ZRANB1: variants seen among roughly 807,000 people sequenced by gnomAD.
The protein encoded by ZRANB1 is zinc finger RANBP2-type containing 1.
Under a neutral mutation model 80.5 loss-of-function variants are expected in ZRANB1, and 16 were observed. That is an observed-to-expected ratio of 0.20 (90% CI 0.13 to 0.30). ZRANB1 has a LOEUF of 0.30. Among genes scored for constraint, ZRANB1 ranks in the 10% least tolerant of loss-of-function variants. ZRANB1 has a pLI of 1.00. For missense variants in ZRANB1, 576 were observed against 862.6 expected (o/e 0.67, Z 4.16); for synonymous variants, 291 against 293.1 (o/e 0.99, Z 0.07).
chr10:124,926,351 T>G, the ZRANB1 span, among the ~76,000 whole-genome samples: 3 of 152,254 alleles, frequency 2.0e-5, no homozygotes, highest in Non-Finnish European at 4.4e-5. Flanking sequence ...ACTTTTGTAG[T>G]AACACTTAAA....
At position 124,947,595 on chromosome 10, in the gene ZRANB1, G is replaced by A. The variant is rs570202624; in HGVS notation, c.814+4288G>A. On this transcript the variant is annotated intron_variant, in intron 1 of 8. Transcript: ENST00000359653. ...GCCTATTCAGCATCTTTCCTGGAGT[G>A]TTTAAAAACTCAAGCTCATTTCAAG... is the stretch of plus-strand genomic sequence containing the variant. 7.9e-5 allele frequency among the ~76,000 whole-genome samples: 12 copies of A among 152,286 alleles called. No homozygotes were observed. The East Asian group carries it at 2.1e-3, about 27-fold the overall frequency.
At chr10:124,933,794 C>T in the ZRANB1 span, among the ~76,000 whole-genome samples, 1 of 152,168 alleles carries the variant, frequency 6.6e-6, no homozygotes, top group Non-Finnish European at 1.5e-5. Context: ...TGCTGAAGCT[C>T]AAGACATACC....
chr10:124,942,819 C>T lies in ZRANB1; in HGVS notation c.326C>T (p.Ser109Phe), dbSNP rs1192906865. The T allele has an allele frequency of 6.2e-7, 1 of 1,614,208 alleles. No individual in the cohort carries two copies. Among genetic ancestry groups the T allele is most frequent in the African/African-American group, 1.3e-5 (1 of 75,044 alleles). The change falls in exon 1 of 9, where the codon TCC becomes TTC. Residue 109 changes from serine to phenylalanine, a missense_variant. By Grantham distance (155) the Ser-to-Phe change is radical. Around this residue, in one of 3 missense-constraint regions of ZRANB1, gnomAD observed 411 missense variants for 583.1 expected, o/e 0.70. Coordinates refer to ENST00000359653, the MANE Select transcript of ZRANB1 (RefSeq NM_017580.3). ...GCAATCAGATGTACCCAGTGCTTAT[C>T]CCAACGTAGGACCAGGAGTCCTACA... ...PRAIRCTQCL[S>F]QRRTRSPTES...
At chr10:124,956,321 C>T (rs965707945) in intron 1 of ZRANB1, among the ~76,000 whole-genome samples, 3 of 151,964 alleles carry the variant, frequency 2.0e-5, no homozygotes, top group Non-Finnish European at 2.9e-5. Flanking sequence ...TAAAAAGTTG[C>T]GTTAAACTAG....
At chr10:124,921,878 G>A in the ZRANB1 span, among the ~76,000 whole-genome samples, 1 of 151,898 alleles carries the variant, frequency 6.6e-6, no homozygotes, top group African/African-American at 2.4e-5. Context: ...GTTTTTGACA[G>A]GAGCCATAAG....
At chr10:124,917,732 G>A in the ZRANB1 span, among the ~76,000 whole-genome samples, 300 of 152,252 alleles carry the variant, frequency 2.0e-3, 2 homozygotes, top group Admixed American at 0.018. Flanking sequence ...CACCTCCTGC[G>A]GTGGCCTCCA....
At chr10:124,929,770 A>G in the ZRANB1 span, among the ~76,000 whole-genome samples, 1 of 150,832 alleles carries the variant, frequency 6.6e-6, no homozygotes, top group Non-Finnish European at 1.5e-5. Flanking sequence ...ACATAGTGAA[A>G]CCCTGTCTCT....
chr10:124,975,038 A>G (rs973417048), intron 5 of ZRANB1, among the ~76,000 whole-genome samples: 4 of 152,138 alleles, frequency 2.6e-5, no homozygotes, highest in Non-Finnish European at 5.9e-5. Context: ...ATCTCAAGCG[A>G]TCCGCCTGCC....
chr10:124,955,029 C>T lies in ZRANB1; in HGVS notation c.815-11565C>T, dbSNP rs549618965. ...CCGTAGTCCCAGCTACTCTGGAGGC[C>T]GAGGCAGGAGAATGGCGTGAACCCG... On this transcript the variant is annotated intron_variant, in intron 1 of 8. Coordinates refer to ENST00000359653, the MANE Select transcript of ZRANB1 (RefSeq NM_017580.3). Among the ~76,000 whole-genome samples the T allele has an allele frequency of 6.6e-5, 10 of 150,476 alleles. No individual in the cohort carries two copies. In the South Asian group the frequency reaches 1.5e-3, roughly 22 times the overall value.
At chr10:124,984,020 G>T (rs1951969392) in intron 8 of ZRANB1, among the ~76,000 whole-genome samples, 2 of 152,102 alleles carry the variant, frequency 1.3e-5, no homozygotes, top group Admixed American at 6.5e-5. Context: ...TTTAAGAGGG[G>T]AAGCAACAGG....
At chr10:124,957,960 C>T (rs1951700527) in intron 1 of ZRANB1, among the ~76,000 whole-genome samples, 1 of 152,092 alleles carries the variant, frequency 6.6e-6, no homozygotes. Context: ...GAACTCCTGG[C>T]CTCAAGTGAT....
the ZRANB1 span, chr10:124,917,297 C>G: frequency 6.6e-6 from 1 of 151,712 alleles, no homozygotes; most frequent in African/African-American, 2.4e-5. Context: ...GGGGGCGCCC[C>G]ACCGCGGCCT....
At chr10:124,952,614 CT>C (rs548261343) in intron 1 of ZRANB1, among the ~76,000 whole-genome samples, 45 of 147,920 alleles carry the variant, frequency 3.0e-4, no homozygotes, top group African/African-American at 5.9e-4. Flanking sequence ...CAAATAATAT[CT>C]TTTTTTTTTT....
At position 124,984,974 on chromosome 10, in the gene ZRANB1, GGAT is replaced by G; in HGVS notation, c.2115_2117del (p.Asp705del). On this transcript the variant is annotated inframe_deletion, in exon 9 of 9. Transcript: ENST00000359653. ...CCCTGTCTGATGGAGAGGAAGATGA[GGAT>G]GATGAAGATGAATGAAAAAAAAAAT... is the stretch of plus-strand genomic sequence containing the variant. The G allele has an allele frequency of 6.2e-7, 1 of 1,612,018 alleles. No homozygotes were observed. The highest frequency in any genetic ancestry group is 8.5e-7 in the Non-Finnish European group (1 of 1,179,034).
chr10:124,974,061 A>G (rs557463334), intron 4 of ZRANB1, 139 bp from the exon 5 acceptor site: 287 of 741,338 alleles, frequency 3.9e-4, no homozygotes, highest in Non-Finnish European at 5.2e-4. Flanking sequence ...TTATATTTCA[A>G]TTGGTCAATT....
intron 5 of ZRANB1, among the ~76,000 whole-genome samples, chr10:124,975,303 A>G (rs1338342147): frequency 1.3e-5 from 2 of 152,224 alleles, no homozygotes; most frequent in African/African-American, 4.8e-5. Context: ...CACCTGCTCC[A>G]TGTCTCCATA....
In ZRANB1 at chr10:124,956,963, A is replaced by G. The variant is rs559513602; in HGVS notation, c.815-9631A>G. Among the ~76,000 whole-genome samples the G allele has an allele frequency of 2.4e-4, 37 of 152,264 alleles. 1 individual carries two copies. The highest frequency in any genetic ancestry group is 2.6e-4 in the Non-Finnish European group (18 of 68,022). On this transcript the variant is annotated intron_variant, in intron 1 of 8. Transcript: ENST00000359653. ...GAAGACATCATGACACTTTACCCCT[A>G]AATATTTCAGCATGTGTTTCCTAAG...
intron 3 of ZRANB1, 134 bp downstream of exon 3, chr10:124,972,252 C>T (rs1951833360): frequency 5.2e-6 from 4 of 773,872 alleles, no homozygotes; most frequent in Non-Finnish European, 7.9e-6. Flanking sequence ...ACTTGACTGT[C>T]TTATATATGC....
chr10:124,983,818 G>C lies in ZRANB1; in HGVS notation c.1908+130G>C, dbSNP rs1052160161. ...GAATGTGATGGTAGTAATTGCTGAAGGTACTAGCTATACTTTGAAATTTAC... is the reference window on the plus strand; with the variant it reads ...GAATGTGATGGTAGTAATTGCTGAACGTACTAGCTATACTTTGAAATTTAC... On this transcript the variant is annotated intron_variant, in intron 8 of 8. Coordinates refer to ENST00000359653, the MANE Select transcript of ZRANB1 (RefSeq NM_017580.3). The surrounding 1 kb of genome is among the most constrained non-coding windows in gnomAD (Gnocchi z 6.2). The C allele has an allele frequency of 1.0e-5, 7 of 685,750 alleles. No individual in the cohort carries two copies. In the African/African-American group the frequency reaches 1.3e-4, roughly 12 times the overall value. 42.5% of individuals were successfully genotyped at this position (685,750 alleles called of 1,614,324 possible). A position where few individuals can be genotyped will look rare whatever the true frequency, so the allele number is the denominator to read the frequency against.
Sources: gnomAD v4.1 joint callset for allele counts (sites outside exome capture counted in the v4.1 genomes callset) on GRCh38, gnomAD v4.1.1 for gene constraint, gnomAD v4.1.1 regional missense constraint, Gnocchi (gnomAD v3.1) non-coding constraint, MANE v1.5 for transcripts, NCBI Gene and HGNC (gene_info 2026-07-23, HGNC 2026-07-21) for gene names.